Variants in PANK4 observed in about 807,000 individuals in gnomAD.
PANK4 encodes the protein 4'-phosphopantetheine phosphatase.
Under a neutral mutation model 87.9 loss-of-function variants are expected in PANK4, and 40 were observed. The ratio of observed to expected loss-of-function variants is 0.46; its 90% CI spans 0.35 to 0.59. The LOEUF is 0.59. Among genes scored for constraint, PANK4 ranks in the 20% least tolerant of loss-of-function variants. The pLI is 0.00. For synonymous variants in PANK4, 524 were observed against 467.4 expected, an observed-to-expected ratio of 1.12 and a Z score of -1.56; for missense variants, 926 against 1,072.3, an observed-to-expected ratio of 0.86 and a Z score of 1.90.
Position 2,508,628 on chromosome 1 carries a change from A to ATATG in PANK4, c.*218_*219insCATA. 1 of 330,090 alleles carries ATATG rather than the reference A, an allele frequency of 3.0e-6. No homozygotes were observed. Among genetic ancestry groups the ATATG allele is most frequent in the East Asian group, 5.9e-5 (1 of 16,914 alleles). 20.4% of individuals were successfully genotyped at this position (330,090 alleles called of 1,614,324 possible). On this transcript the variant is annotated 3_prime_UTR_variant, in exon 19 of 19. Transcript: ENST00000378466. The surrounding 1 kb of genome is among the most constrained non-coding windows in gnomAD (Gnocchi z 5.1). ...TCTCTCTATTTATATATATATATAT[A>ATATG]TAAAAGGTTCTTTAGCAGTTAAATA...
chr1:2,510,548 T>C lies in PANK4; in HGVS notation c.1938+130A>G. On this transcript the variant is annotated intron_variant, in intron 16 of 18. Transcript: ENST00000378466. The surrounding 1 kb of genome is among the most constrained non-coding windows in gnomAD (Gnocchi z 4.9). ...TGACGGCTCTGGGCCGCCTCCCCCG[T>C]GCTGCTGCCTGCACCTACCTGCTGC... 3.0e-6 allele frequency: 2 copies of C among 675,362 alleles called. No individual in the cohort carries two copies. The highest frequency in any genetic ancestry group is 4.6e-5 in the Admixed American group (2 of 43,216). 41.8% of individuals were successfully genotyped at this position (675,362 alleles called of 1,614,324 possible).
chr1:2,526,389 G>C, intron 1 of PANK4, 75 bp downstream of exon 1: 22 of 622,142 alleles, frequency 3.5e-5, no homozygotes, highest in Non-Finnish European at 4.2e-5. Context: ...CCTTCCCGCC[G>C]CCCCCGCTCG....
In PANK4 at chr1:2,509,785, T is replaced by C. The variant is rs2100768004; in HGVS notation, c.2108+77A>G. The C allele has an allele frequency of 3.0e-6, 4 of 1,323,364 alleles. No individual in the cohort carries two copies. Among genetic ancestry groups the C allele is most frequent in the East Asian group, 4.7e-5 (2 of 42,908 alleles). The allele number at this position is 1,323,364 out of a possible 1,614,324, so 82.0% of individuals were successfully genotyped here. On this transcript the variant is annotated intron_variant, in intron 18 of 18. Coordinates refer to ENST00000378466, the MANE Select transcript of PANK4 (RefSeq NM_018216.4). This position sits in a 1 kb window ranked among gnomAD's most constrained non-coding sequence, Gnocchi z 4.9. The stretch of plus-strand genomic sequence containing the variant: ...GCAGTCCTGAGGTCGGTGTCCCGCA[T>C]GCACCTGGGTGCAGGTGCACGGCAC...
chr1:2,521,773 T>C lies in PANK4; in HGVS notation c.152A>G (p.Tyr51Cys). 1 of 1,613,958 alleles carries C rather than the reference T, an allele frequency of 6.2e-7. No individual in the cohort carries two copies. The highest frequency in any genetic ancestry group is 8.5e-7 in the Non-Finnish European group (1 of 1,179,964). Residue 51 changes from tyrosine (Y) to cysteine (C), a missense_variant, in exon 2 of 19, where the codon TAT (tyrosine) becomes TGT (cysteine). Physicochemically the swap from Tyr to Cys is radical, Grantham distance 194 (BLOSUM62 -2). Transcript: ENST00000378466. ...IGGSLTKLAY[Y>C]STVQHKVAKV... Reference sequence around the variant, plus strand: ...GGCGACTTTGTGCTGTACCGTTGAATAGTAGGCCAGCTTGGTTAACGACCC... The same window carrying C: ...GGCGACTTTGTGCTGTACCGTTGAACAGTAGGCCAGCTTGGTTAACGACCC...
rs913438321 is a variant in PANK4, at chr1:2,509,773, C to T, written c.2108+89G>A. On this transcript the variant is annotated intron_variant, in intron 18 of 18. Transcript: ENST00000378466. The surrounding 1 kb of genome is among the most constrained non-coding windows in gnomAD (Gnocchi z 4.9). Reference sequence around the variant, plus strand: ...GAGGCCGCAGGGGCAGTCCTGAGGTCGGTGTCCCGCATGCACCTGGGTGCA... The same window carrying T: ...GAGGCCGCAGGGGCAGTCCTGAGGTTGGTGTCCCGCATGCACCTGGGTGCA... 10 of 1,160,092 alleles carry T rather than the reference C, an allele frequency of 8.6e-6. No individual in the cohort carries two copies. The East Asian group carries it at 1.2e-4, about 14-fold the overall frequency. The allele number at this position is 1,160,092 out of a possible 1,614,324, so 71.9% of individuals were successfully genotyped here.
rs377690916 is a variant in PANK4, at chr1:2,519,303, G to A, written c.875C>T (p.Ala292Val). 4.4e-6 allele frequency: 7 copies of A among 1,609,002 alleles called. No individual in the cohort carries two copies. The highest frequency in any genetic ancestry group is 4.5e-5 in the East Asian group (2 of 44,756). ...ADQEFSKEDMAKSLLHMISND... is the reference protein window; with the variant it reads ...ADQEFSKEDMVKSLLHMISND... The stretch of plus-strand genomic sequence containing the variant: ...GCTGATCATGTGCAGCAGGCTCTTC[G>A]CCATGTCTTCTTTGGAGAACTCTGA... Residue 292 changes from alanine to valine, a missense_variant, in exon 7 of 19, where the codon GCG (alanine) becomes GTG (valine). Physicochemically the swap from Ala to Val is moderately conservative, Grantham distance 64. Coordinates refer to ENST00000378466, the MANE Select transcript of PANK4 (RefSeq NM_018216.4). This position sits in a 1 kb window ranked among gnomAD's most constrained non-coding sequence, Gnocchi z 8.3.
chr1:2,518,737 C>A, intron 7 of PANK4, 140 bp from the exon 8 acceptor site: 2 of 712,294 alleles, frequency 2.8e-6, no homozygotes, highest in Non-Finnish European at 4.9e-6. Flanking sequence ...GGCATACTTG[C>A]CAGTGGAATC....
chr1:2,517,200 T>C (rs1021276318), intron 9 of PANK4, among the ~76,000 whole-genome samples: 3 of 152,186 alleles, frequency 2.0e-5, no homozygotes, highest in African/African-American at 7.2e-5. Flanking sequence ...CCCACTCCCC[T>C]GCCTAGTGCT....
In PANK4 at chr1:2,524,620, G is replaced by A. The variant is rs139875134; in HGVS notation, c.124+1844C>T. ...GTACTCCAGGGCCCTCTAGGGCTGC[G>A]ACAGCCCTTCCTGGACAGCCCCAGC... is the stretch of plus-strand genomic sequence containing the variant. On this transcript the variant is annotated intron_variant, in intron 1 of 18. Transcript: ENST00000378466. Among the ~76,000 whole-genome samples, 5 of 152,224 alleles carry A rather than the reference G, an allele frequency of 3.3e-5. No homozygotes were observed. The East Asian group carries it at 5.8e-4, about 18-fold the overall frequency.
Position 2,519,411 on chromosome 1 carries a change from C to A in PANK4, c.854-87G>T. 1 of 402,346 alleles carries A rather than the reference C, an allele frequency of 2.5e-6. No homozygotes were observed. Among genetic ancestry groups the A allele is most frequent in the Non-Finnish European group, 3.8e-6 (1 of 264,822 alleles). 24.9% of individuals were successfully genotyped at this position (402,346 alleles called of 1,614,324 possible). A position where few individuals can be genotyped will look rare whatever the true frequency, so the allele number is the denominator to read the frequency against. On this transcript the variant is annotated intron_variant, in intron 6 of 18. Transcript: ENST00000378466. This position sits in a 1 kb window ranked among gnomAD's most constrained non-coding sequence, Gnocchi z 8.3. ...AGCAGGAGGGGAGGGGGAGAGAGAG[C>A]TGAGTGGGAGGGGAGGGGGAGAGAG...
In PANK4 at chr1:2,520,820, T is replaced by C. The variant is rs910935223; in HGVS notation, c.509A>G (p.Gln170Arg). ...KNIPHEAFVY[Q>R]KDSDPEFRFQ... ...CCGGAACTCAGGGTCGGAATCCTTC[T>C]GGTACACGAAGGCCTCATGGGGGAT... Residue 170 changes from glutamine (Q) to arginine (R), a missense_variant, in exon 4 of 19, where the codon CAG becomes CGG. Coordinates refer to ENST00000378466, the MANE Select transcript of PANK4 (RefSeq NM_018216.4). This position sits in a 1 kb window ranked among gnomAD's most constrained non-coding sequence, Gnocchi z 6.2. The C allele has an allele frequency of 1.2e-6, 2 of 1,608,736 alleles. No homozygotes were observed. Among genetic ancestry groups the C allele is most frequent in the Non-Finnish European group, 1.7e-6 (2 of 1,177,714 alleles).
rs943136812 is a variant in PANK4 at position 2,509,770 on chromosome 1, G to T, written c.2108+92C>A. 29 of 1,129,748 alleles carry T rather than the reference G, an allele frequency of 2.6e-5. No individual in the cohort carries two copies. Among genetic ancestry groups the T allele is most frequent in the Non-Finnish European group, 3.2e-5 (24 of 755,816 alleles). The allele number at this position is 1,129,748 out of a possible 1,614,324, so 70.0% of individuals were successfully genotyped here. A position where few individuals can be genotyped will look rare whatever the true frequency, so the allele number is the denominator to read the frequency against. On this transcript the variant is annotated intron_variant, in intron 18 of 18. Transcript: ENST00000378466. This position sits in a 1 kb window ranked among gnomAD's most constrained non-coding sequence, Gnocchi z 4.9. Reference sequence around the variant, plus strand: ...GGAGAGGCCGCAGGGGCAGTCCTGAGGTCGGTGTCCCGCATGCACCTGGGT... The same window carrying T: ...GGAGAGGCCGCAGGGGCAGTCCTGATGTCGGTGTCCCGCATGCACCTGGGT...
chr1:2,514,522 C>A, intron 10 of PANK4, 56 bp from the exon 11 acceptor site: 1 of 1,297,162 alleles, frequency 7.7e-7, no homozygotes, highest in Non-Finnish European at 1.1e-6. Context: ...GCTTGCGAAT[C>A]CCCACGTGAC....
At chr1:2,522,880 C>T (rs113031743) in intron 1 of PANK4, among the ~76,000 whole-genome samples, 300 of 4,526 alleles carry the variant, frequency 0.066, no homozygotes, top group Middle Eastern at 0.12. Context: ...ACGGAGAGCA[C>T]TGTGTGTGCT....
rs1643864147 is a variant in PANK4, at chr1:2,520,318, A to C, written c.699+4T>G. 6 of 1,612,270 alleles carry C rather than the reference A, an allele frequency of 3.7e-6. No individual in the cohort carries two copies. The highest frequency in any genetic ancestry group is 5.1e-6 in the Non-Finnish European group (6 of 1,179,390). Reference sequence around the variant, plus strand: ...CTGGAAGGTCTCTGGCAGCTGCCGCATACCTTCGTTTTGGTGAGCAGAGCG... The same window carrying C: ...CTGGAAGGTCTCTGGCAGCTGCCGCCTACCTTCGTTTTGGTGAGCAGAGCG... On this transcript the variant is annotated splice_donor_region_variant and intron_variant, in intron 5 of 18. Transcript: ENST00000378466. This position sits in a 1 kb window ranked among gnomAD's most constrained non-coding sequence, Gnocchi z 6.2.
At chr1:2,524,194 CAA>C (rs1328323891) in intron 1 of PANK4, among the ~76,000 whole-genome samples, 1 of 152,130 alleles carries the variant, frequency 6.6e-6, no homozygotes, top group Non-Finnish European at 1.5e-5. Context: ...CTGCTGCTTT[CAA>C]AGAGGTGAAT....
At chr1:2,514,676 TTCCCGGG>T (rs1643734132) in intron 10 of PANK4, among the ~76,000 whole-genome samples, 1 of 102,744 alleles carries the variant, frequency 9.7e-6, no homozygotes, top group African/African-American at 4.0e-5. Context: ...TATGGGGGGC[TTCCCGGG>T]GCAGGGTCAG....
chr1:2,513,030 G>T lies in PANK4; in HGVS notation c.1585C>A (p.Arg529=), dbSNP rs12403246. The change falls in exon 13 of 19, where the codon CGG becomes AGG. Residue 529 remains arginine (R), a synonymous_variant. Transcript: ENST00000378466. ...FPDPYSKVKQ[R]ENGVALRCFP... is the part of the protein sequence containing the mutation. The stretch of plus-strand genomic sequence containing the variant: ...CACCTCAGCGCCACGCCATTCTCCC[G>T]CTGCTTCACCTGTGGAGAGTGCCAG... 3.1e-6 allele frequency: 5 copies of T among 1,601,702 alleles called. No homozygotes were observed. Among genetic ancestry groups the T allele is most frequent in the Non-Finnish European group, 4.3e-6 (5 of 1,172,158 alleles).
intron 7 of PANK4, among the ~76,000 whole-genome samples, chr1:2,518,887 T>C (rs1437617842): frequency 3.3e-5 from 5 of 152,246 alleles, no homozygotes; most frequent in Non-Finnish European, 7.4e-5. Context: ...AGGGGCACCC[T>C]GACCCCAGCG....
Sources: gnomAD v4.1 joint callset for allele counts (sites outside exome capture counted in the v4.1 genomes callset) on GRCh38, gnomAD v4.1.1 for gene constraint, Gnocchi (gnomAD v3.1) non-coding constraint, MANE v1.5 for transcripts, NCBI Gene and HGNC (gene_info 2026-07-23, HGNC 2026-07-21) for gene names.